GRIN2A: variants seen among roughly 807,000 people sequenced by gnomAD.
GRIN2A encodes glutamate ionotropic receptor NMDA type subunit 2A, also known as glutamate receptor ionotropic, NMDA 2A.
A neutral mutation model predicts 113.4 loss-of-function variants in GRIN2A; 22 were observed. That is an observed-to-expected ratio of 0.19 (90% CI 0.14 to 0.28). The LOEUF (loss-of-function observed/expected upper bound fraction) is 0.28. Among genes scored for constraint, GRIN2A ranks in the 10% least tolerant of loss-of-function variants. GRIN2A has a pLI of 1.00. For synonymous variants in GRIN2A, 827 were observed against 738.4 expected (o/e 1.12, Z -1.94); for missense variants, 1,502 against 1,887.0 (o/e 0.80, Z 3.78).
At chr16:10,181,198 TGCAC>T (rs911559748) in intron 1 of GRIN2A, among the ~76,000 whole-genome samples, 62 of 9,858 alleles carry the variant, frequency 6.3e-3, no homozygotes, top group Non-Finnish European at 0.016. Flanking sequence ...CACACACACG[TGCAC>T]ACACACACGC....
At chr16:9,802,237 A>G (rs1903406968) in intron 10 of GRIN2A, among the ~76,000 whole-genome samples, 1 of 152,190 alleles carries the variant, frequency 6.6e-6, no homozygotes. Flanking sequence ...AGGCACACAT[A>G]TGTTCACTGC....
chr16:9,897,038 A>G (rs1465341943), intron 3 of GRIN2A, among the ~76,000 whole-genome samples: 1 of 152,192 alleles, frequency 6.6e-6, no homozygotes, highest in Non-Finnish European at 1.5e-5. Flanking sequence ...CAGCTTCAAT[A>G]TCTCCATCAG....
chr16:9,996,320 T>G (rs1160977590), intron 2 of GRIN2A, among the ~76,000 whole-genome samples: 2 of 152,148 alleles, frequency 1.3e-5, no homozygotes, highest in Non-Finnish European at 1.5e-5. Context: ...TCTACCACAT[T>G]GCATTGCGTG....
chr16:10,002,039 T>C (rs1247095634), intron 2 of GRIN2A, among the ~76,000 whole-genome samples: 4 of 152,226 alleles, frequency 2.6e-5, no homozygotes, highest in East Asian at 3.8e-4. Flanking sequence ...ATCATCATTA[T>C]TATCAGCACC....
At chr16:9,835,824 A>C (rs2042575307) in intron 7 of GRIN2A, among the ~76,000 whole-genome samples, 1 of 152,198 alleles carries the variant, frequency 6.6e-6, no homozygotes. Context: ...GTATAACAAG[A>C]AACTAATATG....
chr16:10,032,193 T>A (rs971648813), intron 2 of GRIN2A, among the ~76,000 whole-genome samples: 2 of 152,228 alleles, frequency 1.3e-5, no homozygotes, highest in African/African-American at 2.4e-5. Flanking sequence ...AAGAAATCCA[T>A]GAACAAATAA....
At chr16:10,182,526 C>G (rs905902380), upstream of GRIN2A, 2 of 152,172 alleles carry the variant, frequency 1.3e-5, no homozygotes, top group Non-Finnish European at 2.9e-5. Context: ...CCCGGTTCCC[C>G]GAGGGAGGTG....
At chr16:9,769,384 T>C (rs1901118956) in intron 11 of GRIN2A, among the ~76,000 whole-genome samples, 1 of 147,734 alleles carries the variant, frequency 6.8e-6, no homozygotes, top group South Asian at 2.1e-4. Context: ...ATATATATTA[T>C]ATATTATATA....
chr16:9,879,943 G>C (rs551228169), intron 4 of GRIN2A, among the ~76,000 whole-genome samples: 1 of 152,254 alleles, frequency 6.6e-6, no homozygotes, highest in East Asian at 1.9e-4. Context: ...TTCTAGCATA[G>C]TCCTTTACCC....
At chr16:9,951,005 C>A (rs992900982) in intron 2 of GRIN2A, among the ~76,000 whole-genome samples, 1 of 152,042 alleles carries the variant, frequency 6.6e-6, no homozygotes, top group African/African-American at 2.4e-5. Flanking sequence ...ATTCCAAAAC[C>A]CTTGCTCTTC....
intron 2 of GRIN2A, among the ~76,000 whole-genome samples, chr16:10,110,834 C>T (rs1467206125): frequency 6.6e-6 from 1 of 152,210 alleles, no homozygotes; most frequent in African/African-American, 2.4e-5. Flanking sequence ...ATGAAAGGAG[C>T]TGAGCCCCTG....
At chr16:10,073,129 T>C (rs966330810) in intron 2 of GRIN2A, among the ~76,000 whole-genome samples, 4 of 151,874 alleles carry the variant, frequency 2.6e-5, no homozygotes, top group African/African-American at 4.8e-5. Context: ...CTAGTTTTTG[T>C]ATTGTTAGTA....
intron 10 of GRIN2A, among the ~76,000 whole-genome samples, chr16:9,804,491 T>C (rs1235658953): frequency 2.0e-5 from 3 of 152,052 alleles, no homozygotes; most frequent in African/African-American, 7.2e-5. Flanking sequence ...TCTCAGTTCC[T>C]ACCCAGGTAC....
intron 7 of GRIN2A, among the ~76,000 whole-genome samples, chr16:9,834,826 A>C (rs1444821790): frequency 2.6e-5 from 4 of 152,328 alleles, no homozygotes; most frequent in South Asian, 4.1e-4. Flanking sequence ...AAGAAAAAAG[A>C]GTGATAAGAA....
At chr16:9,836,656 A>G (rs2042587690) in intron 7 of GRIN2A, among the ~76,000 whole-genome samples, 1 of 152,218 alleles carries the variant, frequency 6.6e-6, no homozygotes, top group Non-Finnish European at 1.5e-5. Context: ...GTTTTAGTAA[A>G]TTAAGTACCT....
chr16:9,812,498 G>T (rs553588894), intron 10 of GRIN2A, among the ~76,000 whole-genome samples: 3 of 152,130 alleles, frequency 2.0e-5, no homozygotes, highest in East Asian at 1.9e-4. Context: ...AATTAACCGG[G>T]TGTGGTGGTG....
intron 10 of GRIN2A, among the ~76,000 whole-genome samples, chr16:9,809,517 A>G (rs1190727450): frequency 6.6e-6 from 1 of 152,216 alleles, no homozygotes; most frequent in Non-Finnish European, 1.5e-5. Flanking sequence ...TGGCATTGAG[A>G]TGCCAAGCCA....
chr16:9,770,335 A>T (rs183726724), intron 11 of GRIN2A, among the ~76,000 whole-genome samples: 21 of 152,372 alleles, frequency 1.4e-4, no homozygotes, highest in Admixed American at 1.3e-3. Context: ...CCAAATGTTT[A>T]TATCAATTCT....
chr16:9,781,704 C>A (rs572304792), intron 11 of GRIN2A, among the ~76,000 whole-genome samples: 1 of 146,206 alleles, frequency 6.8e-6, no homozygotes, highest in South Asian at 2.1e-4. Flanking sequence ...TATATCAAGA[C>A]TCCTAGAGAT....
Sources: allele counts gnomAD v4.1 joint callset (sites outside exome capture counted in the v4.1 genomes callset), GRCh38; gene constraint gnomAD v4.1.1; transcripts MANE v1.5; gene names NCBI Gene and HGNC (gene_info 2026-07-23, HGNC 2026-07-21).